Variants in ALCAM observed in about 807,000 individuals in gnomAD.
ALCAM encodes activated leukocyte cell adhesion molecule, also known as CD166 antigen.
In ALCAM, 30 loss-of-function variants were observed where a neutral mutation model predicts 70.9. The ratio of observed to expected loss-of-function variants is 0.42; its 90% CI spans 0.32 to 0.57. The LOEUF is 0.57. Among genes scored for constraint, ALCAM ranks in the 20% least tolerant of loss-of-function variants. ALCAM has a pLI of 0.11. For missense variants in ALCAM, 591 were observed against 695.1 expected, an observed-to-expected ratio of 0.85 and a Z score of 1.68; for synonymous variants, 249 against 242.5, an observed-to-expected ratio of 1.03 and a Z score of -0.25.
intron 1 of ALCAM, among the ~76,000 whole-genome samples, chr3:105,456,021 G>A (rs1937531616): frequency 6.6e-6 from 1 of 152,220 alleles, no homozygotes; most frequent in African/African-American, 2.4e-5. Flanking sequence ...GAAGGTTGCA[G>A]TGAGCCGAGA....
At chr3:105,446,610 T>TACACACACAC (rs59828133) in intron 1 of ALCAM, among the ~76,000 whole-genome samples, 3 of 144,030 alleles carry the variant, frequency 2.1e-5, no homozygotes, top group African/African-American at 7.8e-5. Flanking sequence ...AAATTTGGTG[T>TACACACACAC]ACACACACAC....
At chr3:105,464,338 A>AGTTTAGTT in intron 1 of ALCAM, among the ~76,000 whole-genome samples, 1 of 150,822 alleles carries the variant, frequency 6.6e-6, no homozygotes, top group South Asian at 2.1e-4. Flanking sequence ...ATATACAAAG[A>AGTTTAGTT]GTTTAGTTAT....
intron 1 of ALCAM, among the ~76,000 whole-genome samples, chr3:105,462,902 A>G (rs1490055560): frequency 6.6e-6 from 1 of 151,398 alleles, no homozygotes; most frequent in Non-Finnish European, 1.5e-5. Flanking sequence ...TTATCCAGGT[A>G]GTTTTCCAAG....
chr3:105,546,691 A>G (rs994496742), intron 9 of ALCAM, among the ~76,000 whole-genome samples: 1 of 151,496 alleles, frequency 6.6e-6, no homozygotes, highest in African/African-American at 2.4e-5. Context: ...CAGCTCATGT[A>G]TTCAAAATAG....
intron 11 of ALCAM, among the ~76,000 whole-genome samples, chr3:105,548,951 T>A (rs778324351): frequency 2.4e-4 from 37 of 151,438 alleles, no homozygotes; most frequent in Admixed American, 1.3e-4. Context: ...AACAGAAACA[T>A]AAGCAGACAG....
At chr3:105,558,039 G>A (rs1390593977) in intron 14 of ALCAM, among the ~76,000 whole-genome samples, 1 of 151,986 alleles carries the variant, frequency 6.6e-6, no homozygotes, top group East Asian at 1.9e-4. Context: ...CTTGGCCCAA[G>A]GGGAGACTCC....
At chr3:105,563,041 G>T (rs1940659979) in intron 14 of ALCAM, among the ~76,000 whole-genome samples, 2 of 151,854 alleles carry the variant, frequency 1.3e-5, no homozygotes, top group Non-Finnish European at 1.5e-5. Flanking sequence ...TCCAACCTCA[G>T]GTGATCCGCC....
intron 1 of ALCAM, among the ~76,000 whole-genome samples, chr3:105,375,767 C>A (rs574001534): frequency 4.5e-4 from 68 of 152,132 alleles, no homozygotes; most frequent in Middle Eastern, 3.4e-3. Flanking sequence ...CTTAAAAAAA[C>A]CAGGGATGTT....
At chr3:105,423,618 G>T (rs1374065566) in intron 1 of ALCAM, among the ~76,000 whole-genome samples, 2 of 151,300 alleles carry the variant, frequency 1.3e-5, no homozygotes, top group African/African-American at 4.8e-5. Flanking sequence ...ATTTCTTTTA[G>T]ATGAGTATTA....
chr3:105,517,680 T>G (rs1576215753), intron 1 of ALCAM, among the ~76,000 whole-genome samples: 1 of 152,134 alleles, frequency 6.6e-6, no homozygotes. Context: ...TGTTTGCTGT[T>G]TGTTTCTCCT....
At chr3:105,409,003 AC>A (rs1936319346) in intron 1 of ALCAM, among the ~76,000 whole-genome samples, 1 of 152,166 alleles carries the variant, frequency 6.6e-6, no homozygotes, top group Non-Finnish European at 1.5e-5. Flanking sequence ...GTGCAGTACC[AC>A]CTCACTCCTG....
rs1939417766 is a variant in ALCAM at position 105,517,608 on chromosome 3, C to T, written c.74-2459C>T. Among the ~76,000 whole-genome samples, 3 of 152,116 alleles carry T rather than the reference C, an allele frequency of 2.0e-5. No individual in the cohort carries two copies. In the South Asian group the frequency reaches 6.2e-4, roughly 32 times the overall value. On this transcript the variant is annotated intron_variant, in intron 1 of 15. Coordinates refer to ENST00000306107, the MANE Select transcript of ALCAM (RefSeq NM_001627.4). ...AGCACAAGTAATCAATCTTTAATTT[C>T]TCTTTAAAGGGAAGGGAAAATGTTC...
intron 1 of ALCAM, among the ~76,000 whole-genome samples, chr3:105,431,142 CAAAAAA>C: frequency 8.5e-6 from 1 of 117,888 alleles, no homozygotes; most frequent in East Asian, 2.6e-4. Flanking sequence ...TCCTTCGAAA[CAAAAAA>C]AAAAAAAAGA....
At chr3:105,532,162 C>A in intron 4 of ALCAM, 96 bp downstream of exon 4, 1 of 1,060,736 alleles carries the variant, frequency 9.4e-7, no homozygotes, top group Non-Finnish European at 1.4e-6. Context: ...AGGCTTTGCT[C>A]TTGTGGAGAT....
chr3:105,489,527 G>C (rs2152610522), intron 1 of ALCAM, among the ~76,000 whole-genome samples: 1 of 152,128 alleles, frequency 6.6e-6, no homozygotes, highest in East Asian at 1.9e-4. Context: ...ATCAAAAATA[G>C]GATAGATTAT....
chr3:105,538,632 C>T (rs1194244654), intron 6 of ALCAM, among the ~76,000 whole-genome samples: 1 of 152,062 alleles, frequency 6.6e-6, no homozygotes, highest in Non-Finnish European at 1.5e-5. Context: ...AGATGTGCCA[C>T]AGTGACATGC....
At chr3:105,541,902 C>A in intron 8 of ALCAM, 137 bp downstream of exon 8, 1 of 1,117,740 alleles carries the variant, frequency 8.9e-7, no homozygotes, top group Non-Finnish European at 1.3e-6. Flanking sequence ...AGAGAGAAAG[C>A]ATCGGGATAA....
At chr3:105,397,683 A>C (rs1257713567) in intron 1 of ALCAM, among the ~76,000 whole-genome samples, 1 of 152,034 alleles carries the variant, frequency 6.6e-6, no homozygotes. Flanking sequence ...ATTTACGTAT[A>C]ATGATTGTCA....
intron 8 of ALCAM, among the ~76,000 whole-genome samples, chr3:105,543,903 C>T (rs977377056): frequency 2.0e-5 from 3 of 151,608 alleles, no homozygotes; most frequent in Non-Finnish European, 4.4e-5. Flanking sequence ...TGCTCCTTCC[C>T]TTCATTCATT....
Sources: allele counts gnomAD v4.1 joint callset (sites outside exome capture counted in the v4.1 genomes callset), GRCh38; gene constraint gnomAD v4.1.1; transcripts MANE v1.5; gene names NCBI Gene and HGNC (gene_info 2026-07-23, HGNC 2026-07-21).